LYPLAL1: variants seen among roughly 807,000 people sequenced by gnomAD.
LYPLAL1 encodes lysophospholipase like 1.
A neutral mutation model predicts 19.7 loss-of-function variants in LYPLAL1; 23 were observed. The observed-to-expected ratio is 1.17, with a 90% confidence interval of 0.84 to 1.65. The LOEUF is 1.65. Ranked by LOEUF, LYPLAL1 falls within the 40% of genes most tolerant of loss-of-function variation. The pLI, the probability that LYPLAL1 is intolerant of heterozygous loss-of-function variation, is 0.00. For synonymous variants in LYPLAL1, 119 were observed against 96.3 expected (o/e 1.24, Z -1.38); for missense variants, 355 against 279.4 (o/e 1.27, Z -1.93).
chr1:219,194,037 T>C (rs1006621253), intron 3 of LYPLAL1, among the ~76,000 whole-genome samples: 1 of 151,876 alleles, frequency 6.6e-6, no homozygotes, highest in Non-Finnish European at 1.5e-5. Context: ...TAATAAACTT[T>C]CTTTGTGTTT....
At chr1:219,376,764 A>C in the LYPLAL1 span, among the ~76,000 whole-genome samples, 1 of 152,224 alleles carries the variant, frequency 6.6e-6, no homozygotes, top group Non-Finnish European at 1.5e-5. Context: ...ACAATGAGAT[A>C]TCACTTCACG....
the LYPLAL1 span, among the ~76,000 whole-genome samples, chr1:219,376,580 T>C: frequency 6.6e-6 from 1 of 152,178 alleles, no homozygotes; most frequent in Non-Finnish European, 1.5e-5. Flanking sequence ...GAGGTTGGCA[T>C]CCATAATATG....
chr1:219,419,251 G>A, the LYPLAL1 span, among the ~76,000 whole-genome samples: 2 of 152,134 alleles, frequency 1.3e-5, no homozygotes, highest in Non-Finnish European at 2.9e-5. Context: ...TCTTCCCACT[G>A]TTTAGGGATT....
At chr1:219,439,179 G>A in the LYPLAL1 span, among the ~76,000 whole-genome samples, 1 of 152,020 alleles carries the variant, frequency 6.6e-6, no homozygotes, top group African/African-American at 2.4e-5. Flanking sequence ...CTCAGATTGG[G>A]CCTCACTGCT....
chr1:219,437,460 C>G, the LYPLAL1 span, among the ~76,000 whole-genome samples: 195 of 152,198 alleles, frequency 1.3e-3, no homozygotes, highest in African/African-American at 4.5e-3. Context: ...GTCTCTTACC[C>G]GAACTCTTGC....
chr1:219,394,289 A>G, the LYPLAL1 span, among the ~76,000 whole-genome samples: 2 of 152,246 alleles, frequency 1.3e-5, no homozygotes, highest in Non-Finnish European at 2.9e-5. Context: ...GTACAATTAC[A>G]TAGTGGCATC....
the LYPLAL1 span, among the ~76,000 whole-genome samples, chr1:219,310,357 G>C: frequency 6.6e-6 from 1 of 152,136 alleles, no homozygotes. Flanking sequence ...AGGTCCCCAT[G>C]GCTTTCCAAG....
At chr1:219,179,413 C>A (rs1656082193) in intron 2 of LYPLAL1, 167 bp downstream of exon 2, 1 of 572,008 alleles carries the variant, frequency 1.7e-6, no homozygotes, top group Non-Finnish European at 3.1e-6. Flanking sequence ...CACTGTTGGA[C>A]CAAGTTTTGC....
the LYPLAL1 span, among the ~76,000 whole-genome samples, chr1:219,377,917 T>C: frequency 1.3e-5 from 2 of 152,214 alleles, no homozygotes; most frequent in East Asian, 1.9e-4. Context: ...GGCTTTGCCA[T>C]GTGGTCTCTG....
chr1:219,198,684 C>T (rs1657814445), intron 3 of LYPLAL1: 1 of 152,014 alleles, frequency 6.6e-6, no homozygotes, highest in Non-Finnish European at 1.5e-5. Flanking sequence ...CATTTCTCCC[C>T]TTTTCATTCT....
the LYPLAL1 span, among the ~76,000 whole-genome samples, chr1:219,318,435 G>T: frequency 4.8e-5 from 7 of 147,222 alleles, no homozygotes; most frequent in African/African-American, 1.8e-4. Flanking sequence ...ATTGCAACTT[G>T]AATTGCCTAA....
the LYPLAL1 span, among the ~76,000 whole-genome samples, chr1:219,423,246 C>T: frequency 3.3e-5 from 5 of 152,116 alleles, no homozygotes; most frequent in Non-Finnish European, 5.9e-5. Flanking sequence ...GCTTTCTGCT[C>T]TTACCAACTG....
chr1:219,363,653 C>T, the LYPLAL1 span, among the ~76,000 whole-genome samples: 14 of 152,024 alleles, frequency 9.2e-5, no homozygotes, highest in Non-Finnish European at 1.6e-4. Flanking sequence ...CCTAGAAGGC[C>T]CTAAATAGAC....
the LYPLAL1 span, among the ~76,000 whole-genome samples, chr1:219,353,286 G>A: frequency 1.3e-5 from 2 of 152,172 alleles, no homozygotes; most frequent in African/African-American, 4.8e-5. Flanking sequence ...CCAGATAGGA[G>A]GTAACTATGC....
chr1:219,296,989 G>T, the LYPLAL1 span, among the ~76,000 whole-genome samples: 1 of 152,182 alleles, frequency 6.6e-6, no homozygotes, highest in African/African-American at 2.4e-5. Flanking sequence ...AGACGTGCCC[G>T]CTAATAACTG....
chr1:219,431,404 G>GC, the LYPLAL1 span, among the ~76,000 whole-genome samples: 2 of 152,176 alleles, frequency 1.3e-5, no homozygotes, highest in Non-Finnish European at 2.9e-5. Flanking sequence ...GAAAACAAAA[G>GC]TGGCTGTCTG....
chr1:219,420,489 G>A, the LYPLAL1 span, among the ~76,000 whole-genome samples: 2 of 152,120 alleles, frequency 1.3e-5, no homozygotes, highest in African/African-American at 4.8e-5. Flanking sequence ...GCTGTCCTTG[G>A]AAAGTAGAAA....
the LYPLAL1 span, among the ~76,000 whole-genome samples, chr1:219,388,417 G>A: frequency 1.3e-5 from 2 of 152,052 alleles, no homozygotes; most frequent in Non-Finnish European, 2.9e-5. Flanking sequence ...TAAGTTACAG[G>A]TTGTTATTAT....
At chr1:219,440,719 A>G in the LYPLAL1 span, among the ~76,000 whole-genome samples, 1 of 152,236 alleles carries the variant, frequency 6.6e-6, no homozygotes, top group Non-Finnish European at 1.5e-5. Context: ...TGACTTTTCT[A>G]TATGACCAAT....
Sources: gnomAD v4.1 joint callset for allele counts (sites outside exome capture counted in the v4.1 genomes callset) on GRCh38, gnomAD v4.1.1 for gene constraint, MANE v1.5 for transcripts, NCBI Gene and HGNC (gene_info 2026-07-23, HGNC 2026-07-21) for gene names.